SRGAP3: variants seen among roughly 807,000 people sequenced by gnomAD.
SRGAP3 encodes SLIT-ROBO Rho GTPase activating protein 3, also known as SLIT-ROBO Rho GTPase-activating protein 3.
Under a neutral mutation model 121.1 loss-of-function variants are expected in SRGAP3, and 39 were observed. The ratio of observed to expected loss-of-function variants is 0.32; its 90% CI spans 0.25 to 0.42. The LOEUF (loss-of-function observed/expected upper bound fraction) is 0.42, where lower values mean the gene tolerates loss of function less well. Among genes scored for constraint, SRGAP3 ranks in the 10% least tolerant of loss-of-function variants. The pLI, the probability that SRGAP3 is intolerant of heterozygous loss-of-function variation, is 1.00. For synonymous variants in SRGAP3, 601 were observed against 570.0 expected (o/e 1.05, Z -0.77); for missense variants, 1,213 against 1,470.6 (o/e 0.82, Z 2.86).
At chr3:9,251,841 T>C (rs1954026155), upstream of SRGAP3, among the ~76,000 whole-genome samples, 3 of 152,172 alleles carry the variant, frequency 2.0e-5, no homozygotes, top group East Asian at 1.9e-4. Flanking sequence ...GGCTCTGCTG[T>C]GCACCAGCTG....
intron 1 of SRGAP3, among the ~76,000 whole-genome samples, chr3:9,204,022 C>A (rs920278521): frequency 1.3e-5 from 2 of 152,158 alleles, no homozygotes; most frequent in Non-Finnish European, 2.9e-5. Flanking sequence ...GATATTACCG[C>A]TACAGTTTGA....
At chr3:9,160,176 G>C (rs1437075136) in intron 1 of SRGAP3, among the ~76,000 whole-genome samples, 1 of 152,166 alleles carries the variant, frequency 6.6e-6, no homozygotes, top group Admixed American at 6.5e-5. Flanking sequence ...GTGAATAAGA[G>C]TTAATATATG....
chr3:9,273,682 C>T lies in SRGAP3; in HGVS notation n.442+52328G>A, dbSNP rs994559350. On this transcript the variant is annotated intron_variant and non_coding_transcript_variant, in intron 3 of 3. Coordinates refer to the SRGAP3 transcript ENST00000490889. ...ACTGCAAAATCCAATGTCATGAAGG[C>T]TTCCCCTACTTTTCTCTAAGAGCTT... Among the ~76,000 whole-genome samples the T allele has an allele frequency of 9.9e-5, 15 of 152,284 alleles. No individual in the cohort carries two copies. The East Asian group carries it at 2.5e-3, about 25-fold the overall frequency.
chr3:9,025,163 G>A lies in SRGAP3; in HGVS notation c.1678+98C>T, dbSNP rs112875075. On this transcript the variant is annotated intron_variant, in intron 14 of 21. Coordinates refer to ENST00000383836, the MANE Select transcript of SRGAP3 (RefSeq NM_014850.4). ...GCACAATCAGCTCCTGCAAACCACT[G>A]CAGGCTGGCTTCTGCACACCACTGG... 3.1e-5 allele frequency: 39 copies of A among 1,274,846 alleles called. No homozygotes were observed. The African/African-American group carries it at 3.8e-4, about 12-fold the overall frequency. The allele number at this position is 1,274,846 out of a possible 1,614,324, so 79.0% of individuals were successfully genotyped here.
intron 2 of SRGAP3, among the ~76,000 whole-genome samples, chr3:9,108,574 T>C (rs1428016905): frequency 6.6e-6 from 1 of 152,162 alleles, no homozygotes; most frequent in Non-Finnish European, 1.5e-5. Flanking sequence ...GCTATGATCA[T>C]GCCACTGCAC....
intron 15 of SRGAP3, chr3:9,014,334 A>T (rs990249718): frequency 5.2e-6 from 1 of 192,930 alleles, no homozygotes; most frequent in South Asian, 1.1e-4. Flanking sequence ...ATGAGTCCTG[A>T]CAGACACAGG....
intron 1 of SRGAP3, among the ~76,000 whole-genome samples, chr3:9,229,107 C>A (rs950186554): frequency 6.6e-6 from 1 of 151,076 alleles, no homozygotes; most frequent in African/African-American, 2.4e-5. Context: ...TCTACTTACT[C>A]CTCCCCAAAT....
chr3:9,169,890 T>C (rs1346568765), intron 1 of SRGAP3, among the ~76,000 whole-genome samples: 1 of 152,128 alleles, frequency 6.6e-6, no homozygotes, highest in African/African-American at 2.4e-5. Flanking sequence ...CTGCCCCACT[T>C]TCTAGGCAAG....
chr3:9,057,530 G>A lies in SRGAP3; in HGVS notation c.1023+721C>T, dbSNP rs564952756. ...AGGGTCTAGCAAATGCCATCTTCTCGGATGCCTCCTTGCCCCTCCCCTCCC... is the reference window on the plus strand; with the variant it reads ...AGGGTCTAGCAAATGCCATCTTCTCAGATGCCTCCTTGCCCCTCCCCTCCC... On this transcript the variant is annotated intron_variant, in intron 7 of 21. Transcript: ENST00000383836. Among the ~76,000 whole-genome samples the A allele has an allele frequency of 7.9e-5, 12 of 152,266 alleles. No homozygotes were observed. The South Asian group carries it at 1.2e-3, about 16-fold the overall frequency.
rs144203341 is a variant in SRGAP3 at position 9,126,492 on chromosome 3, T to C, written c.68-1575A>G. Among the ~76,000 whole-genome samples, 789 of 152,098 alleles carry C rather than the reference T, an allele frequency of 5.2e-3. 9 individuals are homozygous for C. The highest frequency in any genetic ancestry group is 0.018 in the African/African-American group (740 of 41,488). On this transcript the variant is annotated intron_variant, in intron 1 of 21. Transcript: ENST00000383836. Reference sequence around the variant, plus strand: ...TAAAAATACAAAAATTAGCCAGGCATAGTGGCAGGCGCCTGGAGTCCCAGC... The same window carrying C: ...TAAAAATACAAAAATTAGCCAGGCACAGTGGCAGGCGCCTGGAGTCCCAGC...
chr3:9,147,154 C>T (rs1169231551), intron 1 of SRGAP3, among the ~76,000 whole-genome samples: 1 of 152,118 alleles, frequency 6.6e-6, no homozygotes, highest in Non-Finnish European at 1.5e-5. Context: ...AATAACTTGC[C>T]CAAGGACACA....
intron 4 of SRGAP3, among the ~76,000 whole-genome samples, chr3:9,078,181 G>T (rs1446182379): frequency 6.6e-6 from 1 of 152,112 alleles, no homozygotes; most frequent in East Asian, 1.9e-4. Flanking sequence ...GAGGGGGAAG[G>T]TATTTGGTGT....
At chr3:9,281,848 T>A (rs1336631424) in intron 3 of SRGAP3, among the ~76,000 whole-genome samples, 1 of 152,086 alleles carries the variant, frequency 6.6e-6, no homozygotes, top group Non-Finnish European at 1.5e-5. Flanking sequence ...AGTTTTTGTA[T>A]TTTTAGTAGA....
At chr3:9,106,537 T>C (rs1948424552) in intron 2 of SRGAP3, among the ~76,000 whole-genome samples, 1 of 152,146 alleles carries the variant, frequency 6.6e-6, no homozygotes, top group South Asian at 2.1e-4. Context: ...AAATCTCAAC[T>C]TGAATTGTAT....
chr3:8,992,682 C>T (rs918817488), intron 20 of SRGAP3: 1 of 656,038 alleles, frequency 1.5e-6, no homozygotes, highest in African/African-American at 1.8e-5. Flanking sequence ...GGGTTCCCAA[C>T]ACATGTCTTT....
intron 8 of SRGAP3, among the ~76,000 whole-genome samples, chr3:9,053,623 T>C (rs1409155779): frequency 6.6e-6 from 1 of 152,252 alleles, no homozygotes; most frequent in Non-Finnish European, 1.5e-5. Flanking sequence ...TCTAGTTCTC[T>C]TCATTCAGAG....
intron 1 of SRGAP3, among the ~76,000 whole-genome samples, chr3:9,339,374 A>T (rs533505291): frequency 3.9e-5 from 6 of 152,174 alleles, no homozygotes; most frequent in South Asian, 2.1e-4. Context: ...CTGGGTTTTT[A>T]AAAAAATCAA....
intron 18 of SRGAP3, among the ~76,000 whole-genome samples, chr3:9,005,719 A>G (rs1306866370): frequency 6.6e-6 from 1 of 152,194 alleles, no homozygotes; most frequent in East Asian, 1.9e-4. Flanking sequence ...CCATAGAGAC[A>G]GTGGGTAGAC....
intron 18 of SRGAP3, among the ~76,000 whole-genome samples, chr3:9,000,328 G>C (rs553025712): frequency 6.4e-4 from 97 of 152,330 alleles, no homozygotes; most frequent in African/African-American, 2.3e-3. Context: ...CCCAGCTTGT[G>C]AGGTGGTGGT....
Sources: gnomAD v4.1 joint callset for allele counts (sites outside exome capture counted in the v4.1 genomes callset) on GRCh38, gnomAD v4.1.1 for gene constraint, MANE v1.5 for transcripts, NCBI Gene and HGNC (gene_info 2026-07-23, HGNC 2026-07-21) for gene names.